Variants in CHD1L observed in about 807,000 individuals in gnomAD.
The protein encoded by CHD1L is chromodomain helicase DNA binding protein 1 like.
A neutral mutation model predicts 115.9 loss-of-function variants in CHD1L; 118 were observed. The ratio of observed to expected loss-of-function variants is 1.02; its 90% CI spans 0.88 to 1.19. CHD1L has a LOEUF of 1.19. Among genes scored for constraint, CHD1L ranks in the 50% most tolerant of loss-of-function variants. The probability of loss-of-function intolerance (pLI) is 0.00; values close to 1 mark genes in which losing one functional copy is unlikely to be tolerated. For missense variants in CHD1L, 1,179 were observed against 1,065.3 expected, an observed-to-expected ratio of 1.11 and a Z score of -1.49; for synonymous variants, 411 against 387.1, an observed-to-expected ratio of 1.06 and a Z score of -0.72.
the CHD1L span, among the ~76,000 whole-genome samples, chr1:147,202,033 G>A: frequency 6.6e-6 from 1 of 152,176 alleles, no homozygotes; most frequent in South Asian, 2.1e-4. Context: ...CAGAATAGGT[G>A]TCATTATCCA....
the CHD1L span, among the ~76,000 whole-genome samples, chr1:147,176,754 A>C: frequency 3.9e-5 from 6 of 152,148 alleles, no homozygotes; most frequent in African/African-American, 1.4e-4. Flanking sequence ...TGTGAGTATT[A>C]ATTTGGTACA....
chr1:147,244,504 A>T (rs751913383), intron 1 of CHD1L, among the ~76,000 whole-genome samples: 9 of 151,530 alleles, frequency 5.9e-5, no homozygotes, highest in Non-Finnish European at 1.3e-4. Context: ...TCGTTTGGTT[A>T]CAGAAGTAGT....
chr1:147,279,095 A>G (rs1572040111), intron 14 of CHD1L, among the ~76,000 whole-genome samples: 1 of 152,268 alleles, frequency 6.6e-6, no homozygotes, highest in South Asian at 2.1e-4. Context: ...GGTTATGTGT[A>G]TGGAGGGTAA....
chr1:147,246,474 G>A (rs11239957), intron 1 of CHD1L, among the ~76,000 whole-genome samples: 49,450 of 152,086 alleles, frequency 0.33, 8,163 homozygotes, highest in South Asian at 0.4. Flanking sequence ...TTTTAAAGAA[G>A]CTGCCAAACT....
chr1:147,205,942 T>A, the CHD1L span, among the ~76,000 whole-genome samples: 1 of 152,190 alleles, frequency 6.6e-6, no homozygotes, highest in East Asian at 1.9e-4. Context: ...AAAGAGCTTC[T>A]GCACAGCAAA....
intron 4 of CHD1L, among the ~76,000 whole-genome samples, 196 bp from the exon 5 acceptor site, chr1:147,256,335 C>T (rs587612544): frequency 1.3e-5 from 2 of 150,464 alleles, no homozygotes; most frequent in South Asian, 2.1e-4. Flanking sequence ...TGCCACTGAC[C>T]TTCCACTTAA....
the CHD1L span, chr1:147,213,461 A>C: frequency 6.2e-7 from 1 of 1,604,698 alleles, no homozygotes; most frequent in South Asian, 1.1e-5. Flanking sequence ...TTCACACTGC[A>C]CACAGTGGTC....
chr1:147,226,157 C>G, the CHD1L span, among the ~76,000 whole-genome samples: 18 of 149,456 alleles, frequency 1.2e-4, no homozygotes, highest in Admixed American at 4.7e-4. Context: ...GTCTTGTGAA[C>G]GAGGCAAGGT....
At chr1:147,203,433 A>G in the CHD1L span, 4 of 848,594 alleles carry the variant, frequency 4.7e-6, no homozygotes, top group Non-Finnish European at 8.3e-6. Flanking sequence ...TATCTAGAAC[A>G]CCAGCTTCCA....
At chr1:147,189,943 T>A in the CHD1L span, among the ~76,000 whole-genome samples, 1 of 152,192 alleles carries the variant, frequency 6.6e-6, no homozygotes, top group East Asian at 1.9e-4. Flanking sequence ...TGACTTTTTT[T>A]AGGCATTAAA....
upstream of CHD1L, chr1:147,242,548 G>C: frequency 2.6e-6 from 2 of 755,056 alleles, no homozygotes; most frequent in Admixed American, 4.4e-5. Context: ...AAGGGTGACT[G>C]CACCAGCTCC....
chr1:147,292,489 T>C (rs1685906732), intron 20 of CHD1L, among the ~76,000 whole-genome samples: 2 of 152,190 alleles, frequency 1.3e-5, no homozygotes, highest in Non-Finnish European at 2.9e-5. Context: ...AGGCTCATCC[T>C]TTTGAGGTTG....
At chr1:147,243,018 G>A in intron 1 of CHD1L, 188 bp downstream of exon 1, 2 of 646,884 alleles carry the variant, frequency 3.1e-6, no homozygotes, top group Non-Finnish European at 4.3e-6. Flanking sequence ...CCCCGCCTGC[G>A]CGGCGCGCGG....
the CHD1L span, chr1:147,178,188 C>T: frequency 6.2e-7 from 1 of 1,612,194 alleles, no homozygotes. Flanking sequence ...CGGCTGCCTC[C>T]GACGTGCTAG....
At chr1:147,186,894 G>C in the CHD1L span, 1 of 1,606,852 alleles carries the variant, frequency 6.2e-7, no homozygotes, top group Admixed American at 1.7e-5. Context: ...AGTGACAATA[G>C]GACAACTAGA....
At chr1:147,175,407 T>C in the CHD1L span, 1 of 152,190 alleles carries the variant, frequency 6.6e-6, no homozygotes, top group Non-Finnish European at 1.5e-5. Flanking sequence ...CAAATTGTAA[T>C]ACCCACGTGT....
chr1:147,243,733 A>G (rs1665677448), intron 1 of CHD1L, among the ~76,000 whole-genome samples: 1 of 152,196 alleles, frequency 6.6e-6, no homozygotes, highest in Non-Finnish European at 1.5e-5. Context: ...ATTGAATGCT[A>G]CTGGGAGCGT....
intron 14 of CHD1L, 22 bp downstream of exon 14, chr1:147,276,279 T>C (rs1553957943): frequency 1.9e-6 from 3 of 1,613,452 alleles, no homozygotes; most frequent in Non-Finnish European, 1.7e-6. Flanking sequence ...TATACTGTTC[T>C]TCACTTTGGA....
chr1:147,280,233 C>T (rs375106178), intron 15 of CHD1L, 42 bp downstream of exon 15: 90 of 1,512,508 alleles, frequency 6.0e-5, no homozygotes, highest in Non-Finnish European at 7.6e-5. Flanking sequence ...ACAACCACCC[C>T]AAGCTAGAGC....
Sources: gnomAD v4.1 joint callset for allele counts (sites outside exome capture counted in the v4.1 genomes callset) on GRCh38, gnomAD v4.1.1 for gene constraint, MANE v1.5 for transcripts, NCBI Gene and HGNC (gene_info 2026-07-23, HGNC 2026-07-21) for gene names.